Variants in KHDRBS2 observed in about 807,000 individuals in gnomAD.
KHDRBS2 encodes KH domain-containing, RNA-binding, signal transduction-associated protein 2.
KHDRBS2 carries 26 observed loss-of-function variants against 44.3 expected under a neutral mutation model. That is an observed-to-expected ratio of 0.59 (90% confidence interval 0.43 to 0.81). The LOEUF (loss-of-function observed/expected upper bound fraction) is 0.81, where lower values mean the gene tolerates loss of function less well. Among genes scored for constraint, KHDRBS2 ranks in the 40% least tolerant of loss-of-function variants. The pLI, the probability that KHDRBS2 is intolerant of heterozygous loss-of-function variation, is 0.00. For synonymous variants in KHDRBS2, 194 were observed against 151.1 expected (o/e 1.28, Z -2.08); for missense variants, 476 against 433.1 (o/e 1.10, Z -0.88).
intron 4 of KHDRBS2, among the ~76,000 whole-genome samples, chr6:61,960,151 C>T (rs1011987144): frequency 6.6e-6 from 1 of 152,038 alleles, no homozygotes; most frequent in African/African-American, 2.4e-5. Context: ...AAGTACTCAC[C>T]TTAAAACCCC....
intron 3 of KHDRBS2, among the ~76,000 whole-genome samples, chr6:62,046,660 C>G (rs1407433760): frequency 1.3e-5 from 2 of 151,874 alleles, no homozygotes; most frequent in Non-Finnish European, 2.9e-5. Flanking sequence ...TAAAGAAAAT[C>G]TAAACTTGTG....
chr6:62,036,780 C>T (rs1251446973), intron 3 of KHDRBS2, among the ~76,000 whole-genome samples: 1 of 151,908 alleles, frequency 6.6e-6, no homozygotes, highest in Non-Finnish European at 1.5e-5. Context: ...CCAGTAATCT[C>T]AAGCAAATTA....
intron 1 of KHDRBS2, among the ~76,000 whole-genome samples, chr6:62,232,064 T>A (rs901952451): frequency 6.6e-6 from 1 of 152,164 alleles, no homozygotes; most frequent in Non-Finnish European, 1.5e-5. Context: ...TAAACCTGAG[T>A]TACACTGTCA....
intron 2 of KHDRBS2, among the ~76,000 whole-genome samples, chr6:62,087,806 C>G (rs2127360573): frequency 6.6e-6 from 1 of 152,278 alleles, no homozygotes; most frequent in African/African-American, 2.4e-5. Context: ...TGGTTCCATT[C>G]TCCCTGTCAC....
At chr6:61,567,167 T>A in the KHDRBS2 span, among the ~76,000 whole-genome samples, 1 of 152,178 alleles carries the variant, frequency 6.6e-6, no homozygotes, top group Non-Finnish European at 1.5e-5. Flanking sequence ...AAAGGATGGA[T>A]CCCATGTTCT....
At chr6:62,256,343 G>A (rs2150178449) in intron 1 of KHDRBS2, among the ~76,000 whole-genome samples, 1 of 152,062 alleles carries the variant, frequency 6.6e-6, no homozygotes, top group African/African-American at 2.4e-5. Context: ...ATCTGATCTT[G>A]AATTGTAGCT....
chr6:62,056,633 A>T (rs1208715333), intron 2 of KHDRBS2, among the ~76,000 whole-genome samples: 4 of 151,992 alleles, frequency 2.6e-5, no homozygotes, highest in Non-Finnish European at 5.9e-5. Flanking sequence ...AACTTTTAAA[A>T]ATTAAGAACA....
intron 6 of KHDRBS2, among the ~76,000 whole-genome samples, chr6:61,861,591 A>G (rs1230378163): frequency 4.0e-5 from 6 of 150,750 alleles, no homozygotes; most frequent in Non-Finnish European, 3.0e-5. Flanking sequence ...TTTTTGTACC[A>G]GTACCATGCT....
chr6:61,796,366 T>C (rs956722270), intron 6 of KHDRBS2, among the ~76,000 whole-genome samples: 11 of 151,960 alleles, frequency 7.2e-5, no homozygotes, highest in African/African-American at 2.4e-4. Context: ...TGTAATAATT[T>C]TAATAAGTGC....
At chr6:61,893,904 A>T (rs200765764) in intron 6 of KHDRBS2, among the ~76,000 whole-genome samples, 17 of 132,742 alleles carry the variant, frequency 1.3e-4, no homozygotes, top group East Asian at 4.7e-4. Flanking sequence ...ATAATAATAA[A>T]AAAAAAAACA....
intron 4 of KHDRBS2, among the ~76,000 whole-genome samples, chr6:61,938,199 AT>A (rs1402614239): frequency 6.6e-6 from 1 of 152,102 alleles, no homozygotes; most frequent in Non-Finnish European, 1.5e-5. Flanking sequence ...GAGAAAACAC[AT>A]TTTTCAAAAA....
intron 2 of KHDRBS2, among the ~76,000 whole-genome samples, chr6:62,062,305 C>A (rs1280923727): frequency 1.4e-5 from 2 of 144,944 alleles, no homozygotes; most frequent in Non-Finnish European, 3.0e-5. Context: ...AACTTTCCAC[C>A]CCAAATCAAC....
chr6:61,574,601 T>C, the KHDRBS2 span, among the ~76,000 whole-genome samples: 108 of 152,172 alleles, frequency 7.1e-4, no homozygotes, highest in Non-Finnish European at 1.2e-3. Context: ...GATCCAATAA[T>C]TTGACTAACG....
At chr6:61,801,399 CT>C (rs1207822454) in intron 6 of KHDRBS2, among the ~76,000 whole-genome samples, 1 of 152,028 alleles carries the variant, frequency 6.6e-6, no homozygotes, top group Non-Finnish European at 1.5e-5. Context: ...TTAGAGCTTT[CT>C]AGAGAAGGTG....
chr6:61,665,518 TA>T, the KHDRBS2 span, among the ~76,000 whole-genome samples: 1 of 151,330 alleles, frequency 6.6e-6, no homozygotes, highest in African/African-American at 2.4e-5. Flanking sequence ...TTTACTGGCT[TA>T]ATGTAGAAAA....
At chr6:61,911,146 C>T (rs1348194760) in intron 4 of KHDRBS2, among the ~76,000 whole-genome samples, 5 of 152,192 alleles carry the variant, frequency 3.3e-5, no homozygotes, top group African/African-American at 4.8e-5. Context: ...ATATAGGTCC[C>T]GTGGGTGATA....
chr6:62,110,635 T>C (rs1804784989), intron 2 of KHDRBS2, among the ~76,000 whole-genome samples: 1 of 152,090 alleles, frequency 6.6e-6, no homozygotes. Context: ...ACTGCATGAT[T>C]CTATTTATAC....
intron 2 of KHDRBS2, among the ~76,000 whole-genome samples, chr6:62,077,207 T>C (rs1796521557): frequency 6.6e-6 from 1 of 151,922 alleles, no homozygotes. Flanking sequence ...CCATATTAAG[T>C]TCATTCTTTT....
At chr6:62,101,071 T>C (rs1801775233) in intron 2 of KHDRBS2, among the ~76,000 whole-genome samples, 1 of 152,228 alleles carries the variant, frequency 6.6e-6, no homozygotes, top group Admixed American at 6.5e-5. Context: ...ACAAGCATTA[T>C]AGCTCATTCA....
Sources: allele counts gnomAD v4.1 joint callset (sites outside exome capture counted in the v4.1 genomes callset), GRCh38; gene constraint gnomAD v4.1.1; transcripts MANE v1.5; gene names NCBI Gene and HGNC (gene_info 2026-07-23, HGNC 2026-07-21).